Variants in ANKRD44 observed in about 807,000 individuals in gnomAD.
ANKRD44 encodes ankyrin repeat domain 44.
Under a neutral mutation model 116.0 loss-of-function variants are expected in ANKRD44, and 35 were observed. The ratio of observed to expected loss-of-function variants is 0.30; its 90% CI spans 0.23 to 0.40. The LOEUF (loss-of-function observed/expected upper bound fraction) is 0.40. Ranked by LOEUF, ANKRD44 falls within the 10% of genes least tolerant of loss-of-function variation. The pLI is 1.00. For missense variants in ANKRD44, 1,014 were observed against 1,242.6 expected (o/e 0.82, Z 2.77); for synonymous variants, 435 against 461.8 (o/e 0.94, Z 0.74).
chr2:197,304,383 G>A (rs1302303380), intron 1 of ANKRD44, among the ~76,000 whole-genome samples: 1 of 152,186 alleles, frequency 6.6e-6, no homozygotes, highest in Non-Finnish European at 1.5e-5. Context: ...GTAGGGTGGA[G>A]AATAGGAATT....
At chr2:196,993,084 A>G (rs774096082) in intron 27 of ANKRD44, among the ~76,000 whole-genome samples, 5 of 152,194 alleles carry the variant, frequency 3.3e-5, no homozygotes, top group Non-Finnish European at 5.9e-5. Context: ...CCTAGACGTT[A>G]ATTAAGAAAT....
intron 16 of ANKRD44, chr2:197,028,930 T>G (rs2076650978): frequency 6.4e-6 from 1 of 155,500 alleles, no homozygotes; most frequent in African/African-American, 2.4e-5. Context: ...TGCTGCTACC[T>G]TATCCCCCAG....
intron 2 of ANKRD44, among the ~76,000 whole-genome samples, chr2:197,163,607 T>C (rs1303703148): frequency 6.6e-6 from 1 of 152,106 alleles, no homozygotes; most frequent in East Asian, 1.9e-4. Flanking sequence ...GTGGAAGAAG[T>C]GGGCTGGTGA....
chr2:197,173,341 T>C (rs775064099), intron 2 of ANKRD44, among the ~76,000 whole-genome samples: 3 of 152,164 alleles, frequency 2.0e-5, no homozygotes, highest in African/African-American at 4.8e-5. Flanking sequence ...TAAATAAAAC[T>C]TTGTCCTCTA....
At chr2:197,165,285 G>A (rs914337912) in intron 2 of ANKRD44, among the ~76,000 whole-genome samples, 6 of 152,232 alleles carry the variant, frequency 3.9e-5, no homozygotes, top group African/African-American at 1.4e-4. Flanking sequence ...CTCTCTAACA[G>A]GTCCCATGAC....
At chr2:197,149,623 C>A (rs1166514713) in intron 2 of ANKRD44, among the ~76,000 whole-genome samples, 1 of 152,172 alleles carries the variant, frequency 6.6e-6, no homozygotes, top group South Asian at 2.1e-4. Context: ...TCCTTTAGTT[C>A]TCCAAAGCAG....
At chr2:197,265,622 A>G (rs2082722244) in intron 1 of ANKRD44, among the ~76,000 whole-genome samples, 1 of 152,176 alleles carries the variant, frequency 6.6e-6, no homozygotes, top group South Asian at 2.1e-4. Flanking sequence ...TCTAATAAAA[A>G]TGACAGAACA....
intron 23 of ANKRD44, 41 bp from the exon 24 acceptor site, chr2:196,999,093 C>G (rs760534332): frequency 2.5e-6 from 4 of 1,604,870 alleles, no homozygotes; most frequent in Non-Finnish European, 3.4e-6. Context: ...TTCCTTTAAA[C>G]TTTATTCTCG....
chr2:197,190,483 A>G (rs1416647618), intron 1 of ANKRD44, among the ~76,000 whole-genome samples: 2 of 152,178 alleles, frequency 1.3e-5, no homozygotes, highest in Non-Finnish European at 2.9e-5. Flanking sequence ...ATGATTCTTG[A>G]GCAAGTAATA....
At chr2:197,200,928 A>T (rs2081079524) in intron 1 of ANKRD44, among the ~76,000 whole-genome samples, 1 of 152,192 alleles carries the variant, frequency 6.6e-6, no homozygotes, top group Non-Finnish European at 1.5e-5. Context: ...TTTAATAACA[A>T]GTTTTAAATT....
chr2:197,051,540 T>C (rs10175453), intron 16 of ANKRD44, among the ~76,000 whole-genome samples: 109,648 of 152,146 alleles, frequency 0.72, 40,928 homozygotes, highest in East Asian at 0.86. Flanking sequence ...ACTATAGGTG[T>C]TACAGGTGCA....
At chr2:197,162,547 G>A (rs1559115620) in intron 2 of ANKRD44, among the ~76,000 whole-genome samples, 2 of 152,148 alleles carry the variant, frequency 1.3e-5, no homozygotes, top group South Asian at 2.1e-4. Flanking sequence ...TGAGAACCAA[G>A]GACATTAGAC....
chr2:197,281,367 A>T (rs2083259862), intron 1 of ANKRD44, among the ~76,000 whole-genome samples: 1 of 151,670 alleles, frequency 6.6e-6, no homozygotes, highest in Admixed American at 6.6e-5. Context: ...AACAAGCTTT[A>T]GTTTCCCTAA....
At position 197,008,937 on chromosome 2, in the gene ANKRD44, C is replaced by T; in HGVS notation, c.2012+7G>A. 2 of 1,613,906 alleles carry T rather than the reference C, an allele frequency of 1.2e-6. No individual in the cohort carries two copies. The highest frequency in any genetic ancestry group is 1.7e-6 in the Non-Finnish European group (2 of 1,179,802). ...GTCAACCCAAGGCCACGTGTGAGCG[C>T]ACTTACTGTCCTTTGGCATCTTTCA... On this transcript the variant is annotated splice_region_variant and intron_variant, in intron 19 of 27. Coordinates refer to ENST00000282272, the MANE Select transcript of ANKRD44 (RefSeq NM_001195144.2).
At chr2:197,145,067 G>A (rs1474350935) in intron 3 of ANKRD44, among the ~76,000 whole-genome samples, 2 of 152,112 alleles carry the variant, frequency 1.3e-5, no homozygotes, top group African/African-American at 2.4e-5. Context: ...CAAGGCAGGC[G>A]GATCACAAGG....
At chr2:197,084,607 C>T (rs6722201) in intron 13 of ANKRD44, among the ~76,000 whole-genome samples, 3,880 of 152,256 alleles carry the variant, frequency 0.025, 165 homozygotes, top group African/African-American at 0.089. Context: ...CACATCCCCT[C>T]TCTGGGTCTT....
intron 16 of ANKRD44, among the ~76,000 whole-genome samples, chr2:197,037,141 T>G (rs1042906584): frequency 2.0e-5 from 3 of 152,364 alleles, no homozygotes; most frequent in South Asian, 4.1e-4. Flanking sequence ...AACGTTCATA[T>G]GAGCGGAGGT....
In ANKRD44 at chr2:197,083,390, G is replaced by A. The variant is rs1400843861; in HGVS notation, c.1436C>T (p.Ala479Val). 1.2e-6 allele frequency: 2 copies of A among 1,613,166 alleles called. No homozygotes were observed. Among genetic ancestry groups the A allele is most frequent in the Non-Finnish European group, 1.7e-6 (2 of 1,179,674 alleles). ...TTACTTTCTATCCATGTCTGATGCA[G>A]CGGCGTAATGCAAAGCTGTGCGTCC... Reference protein sequence around the residue: ...DWGRTALHYAAASDMDRNKTI... With the variant: ...DWGRTALHYAVASDMDRNKTI... The change falls in exon 14 of 28, where the codon GCT becomes GTT. Residue 479 changes from alanine (A) to valine (V), a missense_variant. Coordinates refer to ENST00000282272, the MANE Select transcript of ANKRD44 (RefSeq NM_001195144.2).
At position 197,081,587 on chromosome 2, in the gene ANKRD44, G is replaced by A. The variant is rs915849559; in HGVS notation, c.1538+58C>T. ...GTAAGGCAGGCAACGTGGCAACTCA[G>A]AAAAGCAGAAGAAGCGTCAGAAATG... On this transcript the variant is annotated intron_variant, in intron 15 of 27. Transcript: ENST00000282272. The A allele has an allele frequency of 2.6e-6, 4 of 1,518,138 alleles. No homozygotes were observed. The African/African-American group carries it at 4.1e-5, about 16-fold the overall frequency. The allele number at this position is 1,518,138 out of a possible 1,614,324, so 94.0% of individuals were successfully genotyped here.
Sources: allele counts gnomAD v4.1 joint callset (sites outside exome capture counted in the v4.1 genomes callset), GRCh38; gene constraint gnomAD v4.1.1; transcripts MANE v1.5; gene names NCBI Gene and HGNC (gene_info 2026-07-23, HGNC 2026-07-21).